The following ROBO1 variants were observed in gnomAD, a reference collection of about 807,000 sequenced individuals.
The protein encoded by ROBO1 is roundabout guidance receptor 1.
In ROBO1, 149 loss-of-function variants were observed where a neutral mutation model predicts 195.9. That is an observed-to-expected ratio of 0.76 (90% CI 0.67 to 0.87). The LOEUF (loss-of-function observed/expected upper bound fraction) is 0.87, where lower values mean the gene tolerates loss of function less well. Among genes scored for constraint, ROBO1 ranks in the 40% least tolerant of loss-of-function variants. The pLI, the probability that ROBO1 is intolerant of heterozygous loss-of-function variation, is 0.00. For missense variants in ROBO1, 1,933 were observed against 2,068.3 expected (o/e 0.93, Z 1.27); for synonymous variants, 816 against 733.2 (o/e 1.11, Z -1.82).
intron 2 of ROBO1, among the ~76,000 whole-genome samples, chr3:79,177,990 C>G (rs889243467): frequency 6.6e-6 from 1 of 152,154 alleles, no homozygotes; most frequent in East Asian, 1.9e-4. Flanking sequence ...AACAAGCTCT[C>G]TTTTACCTGC....
At chr3:78,946,107 T>A (rs111262349) in intron 3 of ROBO1, among the ~76,000 whole-genome samples, 69 of 152,312 alleles carry the variant, frequency 4.5e-4, no homozygotes, top group African/African-American at 1.6e-3. Flanking sequence ...TGCAGGGTAT[T>A]ATCCAGAAGG....
intron 4 of ROBO1, among the ~76,000 whole-genome samples, chr3:78,796,912 T>C (rs1006854202): frequency 2.0e-5 from 3 of 152,170 alleles, no homozygotes; most frequent in Non-Finnish European, 4.4e-5. Context: ...TTTAGCATAG[T>C]TATGATTTGT....
chr3:79,046,933 T>C (rs1347356053), intron 3 of ROBO1, among the ~76,000 whole-genome samples: 2 of 152,158 alleles, frequency 1.3e-5, no homozygotes, highest in African/African-American at 4.8e-5. Flanking sequence ...ATTATTGAGA[T>C]TATTTGTTAT....
intron 4 of ROBO1, chr3:78,759,148 T>C (rs1456264301): frequency 1.3e-5 from 2 of 153,124 alleles, no homozygotes; most frequent in African/African-American, 2.4e-5. Context: ...GCAAATGTGA[T>C]GAGCCTATAC....
chr3:79,021,882 G>A (rs1370953177), intron 3 of ROBO1, among the ~76,000 whole-genome samples: 1 of 152,042 alleles, frequency 6.6e-6, no homozygotes, highest in African/African-American at 2.4e-5. Context: ...GGTTGGTCTC[G>A]ATCTCCTGAC....
chr3:79,328,722 C>G (rs1285054536), intron 2 of ROBO1, among the ~76,000 whole-genome samples: 1 of 151,956 alleles, frequency 6.6e-6, no homozygotes, highest in Non-Finnish European at 1.5e-5. Flanking sequence ...ATGCACCCAC[C>G]ACACGAGCAG....
At chr3:79,727,816 C>T (rs902443990) in intron 1 of ROBO1, among the ~76,000 whole-genome samples, 4 of 152,166 alleles carry the variant, frequency 2.6e-5, no homozygotes, top group African/African-American at 9.7e-5. Context: ...ATGCAATACA[C>T]AGTCCCTCTT....
At chr3:79,096,504 G>A (rs1395468768) in intron 3 of ROBO1, among the ~76,000 whole-genome samples, 1 of 151,660 alleles carries the variant, frequency 6.6e-6, no homozygotes, top group African/African-American at 2.4e-5. Flanking sequence ...GAATAACTCA[G>A]CATGTAACCT....
chr3:79,314,780 A>G (rs1278638170), intron 2 of ROBO1, among the ~76,000 whole-genome samples: 1 of 152,220 alleles, frequency 6.6e-6, no homozygotes, highest in Non-Finnish European at 1.5e-5. Context: ...TATATGTTTT[A>G]GTAGTGGTGA....
chr3:79,429,507 T>C (rs1210447961), intron 2 of ROBO1, among the ~76,000 whole-genome samples: 1 of 152,070 alleles, frequency 6.6e-6, no homozygotes, highest in Admixed American at 6.6e-5. Context: ...ATCCAGGTTA[T>C]AGAGTTATTA....
At chr3:79,111,459 T>C (rs1330903203) in intron 3 of ROBO1, among the ~76,000 whole-genome samples, 1 of 152,138 alleles carries the variant, frequency 6.6e-6, no homozygotes, top group Non-Finnish European at 1.5e-5. Flanking sequence ...CTTCTTATTG[T>C]ATGGTGCTGG....
At chr3:78,636,961 A>ATATATATATATATATG (rs1201966541) in intron 22 of ROBO1, among the ~76,000 whole-genome samples, 1 of 132,040 alleles carries the variant, frequency 7.6e-6, no homozygotes, top group East Asian at 2.2e-4. Context: ...ATATATATAT[A>ATATATATATATATATG]TATATATATA....
At chr3:79,391,166 G>A (rs1014614404) in intron 2 of ROBO1, among the ~76,000 whole-genome samples, 5 of 150,948 alleles carry the variant, frequency 3.3e-5, no homozygotes, top group Non-Finnish European at 7.4e-5. Context: ...GGTGACATCT[G>A]CCTGTACTCC....
intron 4 of ROBO1, among the ~76,000 whole-genome samples, chr3:78,771,937 G>A (rs1266764752): frequency 6.6e-6 from 1 of 151,986 alleles, no homozygotes; most frequent in Non-Finnish European, 1.5e-5. Flanking sequence ...TCATTCTAAA[G>A]TGAGAATTTC....
In ROBO1 at chr3:78,860,302, C is replaced by CTATATATATA. The variant is rs1200780060; in HGVS notation, c.499+78289_499+78298dup. Among the ~76,000 whole-genome samples, 158 of 104,720 alleles carry CTATATATATA rather than the reference C, an allele frequency of 1.5e-3. 1 individual carries two copies. The highest frequency in any genetic ancestry group is 7.6e-3 in the East Asian group (28 of 3,670). The allele number at this position is 104,720 out of a possible 152,430, so 68.7% of individuals were successfully genotyped here. ...AATTTGAGAGGAAAATTGAAATATA[C>CTATATATATA]TATATATATATATATATATATATAT... On this transcript the variant is annotated intron_variant, in intron 4 of 30. Coordinates refer to ENST00000464233, the MANE Select transcript of ROBO1 (RefSeq NM_002941.4).
intron 3 of ROBO1, among the ~76,000 whole-genome samples, chr3:79,106,327 T>G (rs1276846891): frequency 6.6e-6 from 1 of 151,672 alleles, no homozygotes; most frequent in Non-Finnish European, 1.5e-5. Context: ...GGCTCATTTT[T>G]TTATTATTGT....
At chr3:79,155,276 G>A (rs1011136192) in intron 2 of ROBO1, among the ~76,000 whole-genome samples, 8 of 151,646 alleles carry the variant, frequency 5.3e-5, no homozygotes, top group African/African-American at 1.9e-4. Context: ...AGTATAGAGA[G>A]AGGGATAAAC....
At chr3:78,852,581 T>G (rs1394895132) in intron 4 of ROBO1, among the ~76,000 whole-genome samples, 2 of 152,194 alleles carry the variant, frequency 1.3e-5, no homozygotes, top group East Asian at 3.9e-4. Flanking sequence ...TTTAATCCTT[T>G]GTCCTCAATA....
intron 1 of ROBO1, among the ~76,000 whole-genome samples, chr3:79,631,676 A>G (rs1436242342): frequency 1.3e-5 from 2 of 152,130 alleles, no homozygotes; most frequent in East Asian, 3.9e-4. Flanking sequence ...AGCAAAAGAA[A>G]TAATCAATAG....
Sources: allele counts gnomAD v4.1 joint callset (sites outside exome capture counted in the v4.1 genomes callset), GRCh38; gene constraint gnomAD v4.1.1; transcripts MANE v1.5; gene names NCBI Gene and HGNC (gene_info 2026-07-23, HGNC 2026-07-21).